Variants in CACNA1B observed in about 807,000 individuals in gnomAD.
CACNA1B encodes the protein voltage-dependent N-type calcium channel subunit alpha-1B.
In CACNA1B, 70 loss-of-function variants were observed where a neutral mutation model predicts 247.2. The observed-to-expected ratio is 0.28, with a 90% CI of 0.23 to 0.35. The LOEUF is 0.35. Ranked by LOEUF, CACNA1B falls within the 10% of genes least tolerant of loss-of-function variation. CACNA1B has a pLI of 1.00. For synonymous variants in CACNA1B, 1,231 were observed against 1,294.4 expected (o/e 0.95, Z 1.05); for missense variants, 2,367 against 3,197.4 (o/e 0.74, Z 6.26).
At chr9:138,061,870 C>T (rs1471302054) in intron 31 of CACNA1B, among the ~76,000 whole-genome samples, 1 of 152,226 alleles carries the variant, frequency 6.6e-6, no homozygotes, top group Non-Finnish European at 1.5e-5. Context: ...GCTGTCTGTT[C>T]ATTCCCGGTA....
intron 32 of CACNA1B, among the ~76,000 whole-genome samples, chr9:138,070,810 A>G (rs1960104184): frequency 6.6e-6 from 1 of 152,188 alleles, no homozygotes; most frequent in Admixed American, 6.5e-5. Flanking sequence ...CACACCTGAC[A>G]TGTTACTCAT....
At chr9:138,108,695 C>CTCCA (rs1485695367) in intron 39 of CACNA1B, among the ~76,000 whole-genome samples, 4 of 151,800 alleles carry the variant, frequency 2.6e-5, no homozygotes, top group Non-Finnish European at 4.4e-5. Flanking sequence ...GTTGCCCAGG[C>CTCCA]TGGAGTGCAG....
Position 137,955,030 on chromosome 9 carries a change from G to A in CACNA1B, c.1071-668G>A, listed in dbSNP as rs889669627. On this transcript the variant is annotated intron_variant, in intron 7 of 46. Transcript: ENST00000371372. This position sits in a 1 kb window ranked among gnomAD's most constrained non-coding sequence, Gnocchi z 6.9. ...AGTGTTCTCTGCTGGTCACCATGAC[G>A]GCTGTGAAGGCTCAGGCGGGGCTGG... is the stretch of plus-strand genomic sequence containing the variant. 1.3e-5 allele frequency among the ~76,000 whole-genome samples: 2 copies of A among 152,022 alleles called. No homozygotes were observed. The highest frequency in any genetic ancestry group is 4.8e-5 in the African/African-American group (2 of 41,376).
intron 3 of CACNA1B, chr9:137,892,301 C>T (rs1348660053): frequency 4.4e-6 from 2 of 456,750 alleles, no homozygotes; most frequent in East Asian, 1.4e-4. Context: ...CTGGCGAGGC[C>T]TCTCCTCCTG....
Position 138,102,642 on chromosome 9 carries a change from C to G in CACNA1B, c.5223-69C>G. 1.4e-6 allele frequency: 1 copy of G among 738,392 alleles called. No individual in the cohort carries two copies. Among genetic ancestry groups the G allele is most frequent in the Non-Finnish European group, 2.3e-6 (1 of 442,284 alleles). 45.7% of individuals were successfully genotyped at this position (738,392 alleles called of 1,614,324 possible). The stretch of plus-strand genomic sequence containing the variant: ...CCCCTACCCCGCTCCCCTCCCCGCT[C>G]CCCTCCTGCTGCCGCTCCTCCTGTG... On this transcript the variant is annotated intron_variant, in intron 37 of 46. Coordinates refer to ENST00000371372, the MANE Select transcript of CACNA1B (RefSeq NM_000718.4). The surrounding 1 kb of genome is among the most constrained non-coding windows in gnomAD (Gnocchi z 5.4).
intron 36 of CACNA1B, among the ~76,000 whole-genome samples, chr9:138,087,903 C>T (rs181656631): frequency 3.2e-4 from 49 of 151,934 alleles, no homozygotes; most frequent in African/African-American, 1.2e-3. Context: ...CAATAAAAGC[C>T]TACATCAGAA....
intron 8 of CACNA1B, 75 bp from the exon 9 acceptor site, chr9:137,956,692 CCAGA>C: frequency 1.7e-6 from 2 of 1,211,964 alleles, no homozygotes; most frequent in South Asian, 2.7e-5. Flanking sequence ...GCAGGGCCTT[CCAGA>C]CAGAGATGTG....
chr9:138,016,690 G>C (rs1401069533), intron 18 of CACNA1B, among the ~76,000 whole-genome samples: 2 of 151,746 alleles, frequency 1.3e-5, no homozygotes, highest in African/African-American at 2.4e-5. Context: ...GCAGGGTGCG[G>C]GGGCACCCTC....
chr9:138,114,287 G>A, intron 40 of CACNA1B, 91 bp from the exon 41 acceptor site: 1 of 682,580 alleles, frequency 1.5e-6, no homozygotes, highest in Non-Finnish European at 2.7e-6. Flanking sequence ...GGCGAGGGAG[G>A]GGCGGCTGTT....
Position 138,102,603 on chromosome 9 carries a change from C to T in CACNA1B, c.5223-108C>T, listed in dbSNP as rs552473192. On this transcript the variant is annotated intron_variant, in intron 37 of 46. Coordinates refer to ENST00000371372, the MANE Select transcript of CACNA1B (RefSeq NM_000718.4). This position sits in a 1 kb window ranked among gnomAD's most constrained non-coding sequence, Gnocchi z 5.4. ...TGATTAACTGGCTCTGTTTTCTTGTCTGCTTCCTCCCTGCCCCTACCCCGC... is the reference window on the plus strand; with the variant it reads ...TGATTAACTGGCTCTGTTTTCTTGTTTGCTTCCTCCCTGCCCCTACCCCGC... 2.2e-5 allele frequency: 12 copies of T among 551,012 alleles called. No individual in the cohort carries two copies. Among genetic ancestry groups the T allele is most frequent in the African/African-American group, 3.9e-5 (2 of 51,866 alleles). The allele number at this position is 551,012 out of a possible 1,614,324, so 34.1% of individuals were successfully genotyped here.
chr9:138,070,649 G>A (rs1960095493), intron 32 of CACNA1B, among the ~76,000 whole-genome samples: 1 of 152,238 alleles, frequency 6.6e-6, no homozygotes, highest in Non-Finnish European at 1.5e-5. Context: ...CTAGCGTTTT[G>A]AGAAAATACC....
Position 137,954,856 on chromosome 9 carries a change from T to TTGTGTG in CACNA1B, c.1071-823_1071-818dup, listed in dbSNP as rs150496046. On this transcript the variant is annotated intron_variant, in intron 7 of 46. Coordinates refer to ENST00000371372, the MANE Select transcript of CACNA1B (RefSeq NM_000718.4). The surrounding 1 kb of genome is among the most constrained non-coding windows in gnomAD (Gnocchi z 4.1). ...ACACCCACTCCACCAACTCAGAAGCTTGTGTGTGTGTGTGTGTGTGTGTGA... is the reference window on the plus strand; with the variant it reads ...ACACCCACTCCACCAACTCAGAAGCTTGTGTGTGTGTGTGTGTGTGTGTGTGTGTGA... 5.6e-3 allele frequency among the ~76,000 whole-genome samples: 675 copies of TTGTGTG among 120,982 alleles called. 9 individuals carry two copies. Among genetic ancestry groups the TTGTGTG allele is most frequent in the African/African-American group, 0.024 (610 of 25,322 alleles). 79.4% of individuals were successfully genotyped at this position (120,982 alleles called of 152,430 possible).
rs1960200808 is a variant in CACNA1B, at chr9:138,073,413, G to A, written c.4675-75G>A. 1 of 834,106 alleles carries A rather than the reference G, an allele frequency of 1.2e-6. No individual in the cohort carries two copies. Among genetic ancestry groups the A allele is most frequent in the Middle Eastern group, 2.2e-4 (1 of 4,496 alleles). 51.7% of individuals were successfully genotyped at this position (834,106 alleles called of 1,614,324 possible). On this transcript the variant is annotated intron_variant, in intron 32 of 46. Transcript: ENST00000371372. The surrounding 1 kb of genome is among the most constrained non-coding windows in gnomAD (Gnocchi z 6.4). ...TTGGGGCCACAGGGATGTGGGAAGA[G>A]GTTGTAGGGTGGCAGCAGCTTGCCT... is the stretch of plus-strand genomic sequence containing the variant.
chr9:138,008,576 C>T (rs1413777893), intron 16 of CACNA1B, among the ~76,000 whole-genome samples: 3 of 152,178 alleles, frequency 2.0e-5, no homozygotes, highest in Non-Finnish European at 2.9e-5. Flanking sequence ...GGCACCTGTC[C>T]AGCCAGAGAG....
chr9:138,028,766 T>G (rs376342837), intron 20 of CACNA1B, among the ~76,000 whole-genome samples: 1 of 152,242 alleles, frequency 6.6e-6, no homozygotes, highest in African/African-American at 2.4e-5. Flanking sequence ...ACTTGCTTGG[T>G]CTGATTGGTT....
chr9:137,920,357 CA>C (rs1275952303), intron 6 of CACNA1B, among the ~76,000 whole-genome samples: 1 of 152,110 alleles, frequency 6.6e-6, no homozygotes, highest in Non-Finnish European at 1.5e-5. Flanking sequence ...CCACCCCATC[CA>C]GCTAATTTTT....
intron 23 of CACNA1B, among the ~76,000 whole-genome samples, chr9:138,047,935 A>G (rs1420203099): frequency 6.6e-6 from 1 of 152,136 alleles, no homozygotes; most frequent in Admixed American, 6.5e-5. Flanking sequence ...GTCTGCCTCT[A>G]AGTGTTGACA....
At chr9:138,077,428 A>G (rs1960366233) in intron 35 of CACNA1B, among the ~76,000 whole-genome samples, 1 of 151,968 alleles carries the variant, frequency 6.6e-6, no homozygotes, top group Non-Finnish European at 1.5e-5. Context: ...ATGGGGGTGA[A>G]GTCAGGGAAA....
chr9:138,070,111 A>C (rs1469229478), intron 32 of CACNA1B, among the ~76,000 whole-genome samples: 5 of 152,178 alleles, frequency 3.3e-5, no homozygotes. Context: ...TTTGCAGGAC[A>C]TGAGTTTGTC....
Sources: allele counts gnomAD v4.1 joint callset (sites outside exome capture counted in the v4.1 genomes callset), GRCh38; gene constraint gnomAD v4.1.1; non-coding constraint Gnocchi (gnomAD v3.1); transcripts MANE v1.5; gene names NCBI Gene and HGNC (gene_info 2026-07-23, HGNC 2026-07-21).